The following C22orf39 variants were observed in gnomAD, a reference collection of about 807,000 sequenced individuals.
C22orf39 encodes synaptic plasticity regulator PANTS.
C22orf39 carries 20 observed loss-of-function variants against 18.3 expected under a neutral mutation model. That is an observed-to-expected ratio of 1.09 (90% CI 0.77 to 1.59). The LOEUF (loss-of-function observed/expected upper bound fraction) is 1.59, where lower values mean the gene tolerates loss of function less well. Among genes scored for constraint, C22orf39 ranks in the 40% most tolerant of loss-of-function variants. C22orf39 has a pLI of 0.00. For synonymous variants in C22orf39, 63 were observed against 59.6 expected, an observed-to-expected ratio of 1.06 and a Z score of -0.26; for missense variants, 195 against 156.1, an observed-to-expected ratio of 1.25 and a Z score of -1.33.
Position 19,444,054 on chromosome 22 carries a change from A to G in C22orf39, c.*211T>C. The G allele has an allele frequency of 7.7e-7, 1 of 1,306,088 alleles. No homozygotes were observed. Among genetic ancestry groups the G allele is most frequent in the Non-Finnish European group, 9.7e-7 (1 of 1,032,900 alleles). The allele number at this position is 1,306,088 out of a possible 1,614,324, so 80.9% of individuals were successfully genotyped here. ...CTCCTGGAAGCTCTAAAGCGGTGCA[A>G]TTGTCCTGCAGAACATCGCAGTGTC... On this transcript the variant is annotated 3_prime_UTR_variant, in exon 3 of 3. Coordinates refer to ENST00000399562, the MANE Select transcript of C22orf39 (RefSeq NM_173793.5).
In C22orf39 at chr22:19,441,314, A is replaced by G. The variant is rs1236564595; in HGVS notation, c.*2951T>C. On this transcript the variant is annotated 3_prime_UTR_variant, in exon 3 of 3. Transcript: ENST00000399562. ...GAATCCTGCTACATGTATGTTTTCA[A>G]GATTGGCTGTTTTTGCTCTGAAGAA... 2 of 260,884 alleles carry G rather than the reference A, an allele frequency of 7.7e-6. No homozygotes were observed. Among genetic ancestry groups the G allele is most frequent in the Non-Finnish European group, 1.4e-5 (2 of 139,308 alleles). 16.2% of individuals were successfully genotyped at this position (260,884 alleles called of 1,614,324 possible).
intron 2 of C22orf39, among the ~76,000 whole-genome samples, chr22:19,445,773 C>T (rs1337593969): frequency 2.0e-5 from 3 of 152,096 alleles, no homozygotes; most frequent in Non-Finnish European, 4.4e-5. Context: ...CTCCCAGGTT[C>T]AAACAATTCT....
At position 19,443,776 on chromosome 22, in the gene C22orf39, G is replaced by T; in HGVS notation, c.*489C>A. On this transcript the variant is annotated 3_prime_UTR_variant, in exon 3 of 3. Coordinates refer to ENST00000399562, the MANE Select transcript of C22orf39 (RefSeq NM_173793.5). ...GCCTGCATGTGCAGTGGAACTGAGC[G>T]AGTGGAGCAGAGTGTGAGCACTCAC... is the stretch of plus-strand genomic sequence containing the variant. 1.0e-6 allele frequency: 1 copy of T among 984,998 alleles called. No homozygotes were observed. Among genetic ancestry groups the T allele is most frequent in the Non-Finnish European group, 1.2e-6 (1 of 829,964 alleles). 61.0% of individuals were successfully genotyped at this position (984,998 alleles called of 1,614,324 possible). A position where few individuals can be genotyped will look rare whatever the true frequency, so the allele number is the denominator to read the frequency against.
chr22:19,442,148 C>T lies in C22orf39; in HGVS notation c.*2117G>A, dbSNP rs1456743380. 1 of 155,414 alleles carries T rather than the reference C, an allele frequency of 6.4e-6. No individual in the cohort carries two copies. Among genetic ancestry groups the T allele is most frequent in the Non-Finnish European group, 1.4e-5 (1 of 70,058 alleles). 9.6% of individuals were successfully genotyped at this position (155,414 alleles called of 1,614,324 possible). On this transcript the variant is annotated 3_prime_UTR_variant, in exon 3 of 3. Coordinates refer to ENST00000399562, the MANE Select transcript of C22orf39 (RefSeq NM_173793.5). Reference sequence around the variant, plus strand: ...TGTCTGTCTTTTACCCAAACTACAACAGAAACTCTTTGAAGACAACTTGTC... The same window carrying T: ...TGTCTGTCTTTTACCCAAACTACAATAGAAACTCTTTGAAGACAACTTGTC...
rs1166767023 is a variant in C22orf39 at position 19,447,652 on chromosome 22, C to A, written c.24+13G>T. The A allele has an allele frequency of 1.2e-6, 2 of 1,610,244 alleles. No individual in the cohort carries two copies. The highest frequency in any genetic ancestry group is 2.7e-5 in the African/African-American group (2 of 74,770). ...GACCCCGGTGGTTCCCGGCTCCGACCCAGCACACTCACCTGCCAGCCGCTG... is the reference window on the plus strand; with the variant it reads ...GACCCCGGTGGTTCCCGGCTCCGACACAGCACACTCACCTGCCAGCCGCTG... On this transcript the variant is annotated intron_variant, in intron 1 of 2. Transcript: ENST00000399562.
At position 19,447,132 on chromosome 22, in the gene C22orf39, C is replaced by T. The variant is rs190785489; in HGVS notation, c.192+246G>A. ...AGCTGATGACCCTAACACCGGACGG[C>T]TGCCCTCTTCCCTCTCTAAACCACT... On this transcript the variant is annotated intron_variant, in intron 2 of 2. Transcript: ENST00000399562. Among the ~76,000 whole-genome samples the T allele has an allele frequency of 3.0e-3, 412 of 137,240 alleles. 3 individuals are homozygous for T. The highest frequency in any genetic ancestry group is 4.0e-3 in the Non-Finnish European group (255 of 64,004). The allele number at this position is 137,240 out of a possible 152,430, so 90.0% of individuals were successfully genotyped here. A position where few individuals can be genotyped will look rare whatever the true frequency, so the allele number is the denominator to read the frequency against.
intron 1 of C22orf39, 23 bp from the exon 2 acceptor site, chr22:19,447,568 A>G (rs762962593): frequency 2.8e-6 from 4 of 1,406,920 alleles, no homozygotes; most frequent in Non-Finnish European, 3.7e-6. Flanking sequence ...GCGGCGCCTG[A>G]GCGGGGCCCG....
chr22:19,444,756 G>A (rs529237751), intron 2 of C22orf39, among the ~76,000 whole-genome samples: 1 of 152,328 alleles, frequency 6.6e-6, no homozygotes, highest in South Asian at 2.1e-4. Flanking sequence ...GGAGAGGAGA[G>A]AAGAGTCTGA....
Position 19,444,218 on chromosome 22 carries a change from T to C in C22orf39, c.*47A>G. 1 of 1,523,542 alleles carries C rather than the reference T, an allele frequency of 6.6e-7. No homozygotes were observed. Among genetic ancestry groups the C allele is most frequent in the Non-Finnish European group, 8.8e-7 (1 of 1,142,260 alleles). 94.4% of individuals were successfully genotyped at this position (1,523,542 alleles called of 1,614,324 possible). ...GTCCCCAGGGCTGTGCAACAGCAAC[T>C]TGAAACAGACTGAGGAAGCTGCACA... On this transcript the variant is annotated 3_prime_UTR_variant, in exon 3 of 3. Coordinates refer to ENST00000399562, the MANE Select transcript of C22orf39 (RefSeq NM_173793.5).
chr22:19,444,843 G>A (rs1380982114), intron 2 of C22orf39, among the ~76,000 whole-genome samples: 1 of 152,082 alleles, frequency 6.6e-6, no homozygotes, highest in Non-Finnish European at 1.5e-5. Context: ...TACATGTCCT[G>A]GGTATCCTGG....
Position 19,443,085 on chromosome 22 carries a change from A to ACCCC in C22orf39, c.*1176_*1179dup. 2 of 121,142 alleles carry ACCCC rather than the reference A, an allele frequency of 1.7e-5. No homozygotes were observed. The highest frequency in any genetic ancestry group is 2.6e-5 in the Non-Finnish European group (2 of 76,814). The allele number at this position is 121,142 out of a possible 1,614,324, so 7.5% of individuals were successfully genotyped here. On this transcript the variant is annotated 3_prime_UTR_variant, in exon 3 of 3. Transcript: ENST00000399562. ...TTGGGATCCCGTGAGCACAACCCCCACCCCCACCCCCACTGTTCACAGACA... is the reference window on the plus strand; with the variant it reads ...TTGGGATCCCGTGAGCACAACCCCCACCCCCCCCCACCCCCACTGTTCACAGACA...
chr22:19,443,710 G>C lies in C22orf39; in HGVS notation c.*555C>G. The C allele has an allele frequency of 1.0e-6, 1 of 985,000 alleles. No individual in the cohort carries two copies. The highest frequency in any genetic ancestry group is 4.7e-5 in the South Asian group (1 of 21,214). 61.0% of individuals were successfully genotyped at this position (985,000 alleles called of 1,614,324 possible). On this transcript the variant is annotated 3_prime_UTR_variant, in exon 3 of 3. Transcript: ENST00000399562. ...GGGAGCCTAAGAAGTGAAGCCTGCT[G>C]GTGCAGAGGGGCCAGCAAGCCCTAC...
chr22:19,443,114 G>C lies in C22orf39; in HGVS notation c.*1151C>G, dbSNP rs1461170456. On this transcript the variant is annotated 3_prime_UTR_variant, in exon 3 of 3. Coordinates refer to ENST00000399562, the MANE Select transcript of C22orf39 (RefSeq NM_173793.5). ...CCACCCCCACTGTTCACAGACACAG[G>C]GGCTCTTAGGGAGCACAGGAGAAAA... 1.3e-6 allele frequency: 1 copy of C among 794,604 alleles called. No individual in the cohort carries two copies. Among genetic ancestry groups the C allele is most frequent in the Non-Finnish European group, 1.5e-6 (1 of 658,052 alleles). 49.2% of individuals were successfully genotyped at this position (794,604 alleles called of 1,614,324 possible).
Position 19,441,981 on chromosome 22 carries a change from G to T in C22orf39, c.*2284C>A. On this transcript the variant is annotated 3_prime_UTR_variant, in exon 3 of 3. Transcript: ENST00000399562. ...AGCTCATTTATTTTTTGTAGAGATGGGGTCTTGTTACGTTGCCCAGGCTGG... is the reference window on the plus strand; with the variant it reads ...AGCTCATTTATTTTTTGTAGAGATGTGGTCTTGTTACGTTGCCCAGGCTGG... The T allele has an allele frequency of 3.4e-6, 1 of 291,184 alleles. No individual in the cohort carries two copies. Among genetic ancestry groups the T allele is most frequent in the Non-Finnish European group, 6.4e-6 (1 of 156,254 alleles). 18.0% of individuals were successfully genotyped at this position (291,184 alleles called of 1,614,324 possible).
Position 19,441,455 on chromosome 22 carries a change from AAC to A in C22orf39, c.*2808_*2809del, listed in dbSNP as rs2089612138. On this transcript the variant is annotated 3_prime_UTR_variant, in exon 3 of 3. Transcript: ENST00000399562. The stretch of plus-strand genomic sequence containing the variant: ...ATTTCAACAATAATATGCTATATAT[AAC>A]AGTCTATGCCAGATAATAATGTAAA... 33 of 570,920 alleles carry A rather than the reference AAC, an allele frequency of 5.8e-5. No homozygotes were observed. In the South Asian group the frequency reaches 7.6e-4, roughly 13 times the overall value. The allele number at this position is 570,920 out of a possible 1,614,324, so 35.4% of individuals were successfully genotyped here. A position where few individuals can be genotyped will look rare whatever the true frequency, so the allele number is the denominator to read the frequency against.
In C22orf39 at chr22:19,443,716, G is replaced by C. The variant is rs2089625412; in HGVS notation, c.*549C>G. On this transcript the variant is annotated 3_prime_UTR_variant, in exon 3 of 3. Coordinates refer to ENST00000399562, the MANE Select transcript of C22orf39 (RefSeq NM_173793.5). Reference sequence around the variant, plus strand: ...CTAAGAAGTGAAGCCTGCTGGTGCAGAGGGGCCAGCAAGCCCTACCTGCTC... The same window carrying C: ...CTAAGAAGTGAAGCCTGCTGGTGCACAGGGGCCAGCAAGCCCTACCTGCTC... 1.0e-5 allele frequency: 10 copies of C among 985,106 alleles called. 1 individual carries two copies. Among genetic ancestry groups the C allele is most frequent in the Middle Eastern group, 5.2e-4 (1 of 1,914 alleles). 61.0% of individuals were successfully genotyped at this position (985,106 alleles called of 1,614,324 possible).
rs1294600314 is a variant in C22orf39, at chr22:19,447,519, G to T, written c.51C>A (p.Arg17=). ...CGCTGCGGCAGAGCTTCCACTCGGCGCGGTAGGCCTCGCAGGGGCGCGGCG... is the reference window on the plus strand; with the variant it reads ...CGCTGCGGCAGAGCTTCCACTCGGCTCGGTAGGCCTCGCAGGGGCGCGGCG... ...WQPPRPCEAY[R]AEWKLCRSAR... Residue 17 remains arginine (R), a synonymous_variant, in exon 2 of 3, where the codon CGC becomes CGA. Coordinates refer to ENST00000399562, the MANE Select transcript of C22orf39 (RefSeq NM_173793.5). The T allele has an allele frequency of 6.8e-7, 1 of 1,481,086 alleles. No homozygotes were observed. Among genetic ancestry groups the T allele is most frequent in the South Asian group, 1.3e-5 (1 of 76,248 alleles). 91.7% of individuals were successfully genotyped at this position (1,481,086 alleles called of 1,614,324 possible). A position where few individuals can be genotyped will look rare whatever the true frequency, so the allele number is the denominator to read the frequency against.
chr22:19,447,631 C>A (rs756926317), intron 1 of C22orf39, 34 bp downstream of exon 1: 4 of 1,606,318 alleles, frequency 2.5e-6, no homozygotes, highest in Non-Finnish European at 3.4e-6. Flanking sequence ...CCGGAAGACC[C>A]CGGTGGTTCC....
chr22:19,446,239 T>C (rs1456352446), intron 2 of C22orf39, among the ~76,000 whole-genome samples: 1 of 152,212 alleles, frequency 6.6e-6, no homozygotes, highest in Non-Finnish European at 1.5e-5. Flanking sequence ...CGCACATATA[T>C]ATACATTAAA....
Sources: allele counts gnomAD v4.1 joint callset (sites outside exome capture counted in the v4.1 genomes callset), GRCh38; gene constraint gnomAD v4.1.1; transcripts MANE v1.5; gene names NCBI Gene and HGNC (gene_info 2026-07-23, HGNC 2026-07-21).